CACNA1A: variants seen among roughly 807,000 people sequenced by gnomAD.
CACNA1A encodes the protein voltage-dependent P/Q-type calcium channel subunit alpha-1A.
CACNA1A carries 57 observed loss-of-function variants against 262.4 expected under a neutral mutation model. That is an observed-to-expected ratio of 0.22 (90% CI 0.18 to 0.27). The LOEUF (loss-of-function observed/expected upper bound fraction) is 0.27. Ranked by LOEUF, CACNA1A falls within the 10% of genes least tolerant of loss-of-function variation. CACNA1A has a pLI of 1.00. For synonymous variants in CACNA1A, 1,431 were observed against 1,419.3 expected, an observed-to-expected ratio of 1.01 and a Z score of -0.18; for missense variants, 2,526 against 3,562.8, an observed-to-expected ratio of 0.71 and a Z score of 7.41.
intron 24 of CACNA1A, chr19:13,274,053 A>G (rs1006942518): frequency 5.3e-5 from 8 of 152,006 alleles, no homozygotes; most frequent in African/African-American, 1.9e-4. Context: ...TTGCTCTAGT[A>G]GTCAAATAGA....
chr19:13,489,423 G>A (rs12984781), intron 1 of CACNA1A, among the ~76,000 whole-genome samples: 63,087 of 151,816 alleles, frequency 0.42, 14,536 homozygotes, highest in Non-Finnish European at 0.51. Context: ...CAAGTAGCTG[G>A]GACTACAGGC....
At chr19:13,372,644 C>T (rs1430654988) in intron 3 of CACNA1A, among the ~76,000 whole-genome samples, 2 of 152,206 alleles carry the variant, frequency 1.3e-5, no homozygotes, top group Admixed American at 6.5e-5. Context: ...ACAATAGTAT[C>T]AATACCTCCA....
At chr19:13,366,785 T>C (rs2144530914) in intron 4 of CACNA1A, among the ~76,000 whole-genome samples, 1 of 152,226 alleles carries the variant, frequency 6.6e-6, no homozygotes, top group South Asian at 2.1e-4. Flanking sequence ...TCCTCATTCA[T>C]AAAAGGCCGC....
At chr19:13,400,406 G>A (rs2059879906) in intron 3 of CACNA1A, among the ~76,000 whole-genome samples, 1 of 152,106 alleles carries the variant, frequency 6.6e-6, no homozygotes, top group Non-Finnish European at 1.5e-5. Context: ...CTCTTTTGAA[G>A]AGCCTGCAGT....
chr19:13,263,535 T>C (rs1452771137), intron 24 of CACNA1A: 1 of 152,646 alleles, frequency 6.6e-6, no homozygotes, highest in Non-Finnish European at 1.5e-5. Context: ...TTTTTTTTTT[T>C]TGAGATGGAG....
In CACNA1A at chr19:13,206,638, A is replaced by AAT. The variant is rs1316622144; in HGVS notation, c.*673_*674dup. On this transcript the variant is annotated 3_prime_UTR_variant, in exon 47 of 47. Transcript: ENST00000360228. ...GTCAGAAAAAAATGCCTCTTTTCTC[A>AAT]ATCATTAATTTTTTTGTCCTTTTTA... is the stretch of plus-strand genomic sequence containing the variant. 6.5e-6 allele frequency: 1 copy of AAT among 153,456 alleles called. No homozygotes were observed. Among genetic ancestry groups the AAT allele is most frequent in the Non-Finnish European group, 1.5e-5 (1 of 68,180 alleles). 9.5% of individuals were successfully genotyped at this position (153,456 alleles called of 1,614,324 possible).
intron 6 of CACNA1A, among the ~76,000 whole-genome samples, chr19:13,346,085 G>A (rs186522988): frequency 7.0e-4 from 106 of 152,146 alleles, no homozygotes; most frequent in African/African-American, 2.5e-3. Context: ...GTATTTTTTA[G>A]TAGAGACGGG....
chr19:13,479,717 TC>T (rs1405884415), intron 1 of CACNA1A, among the ~76,000 whole-genome samples: 2 of 151,888 alleles, frequency 1.3e-5, no homozygotes, highest in Non-Finnish European at 2.9e-5. Flanking sequence ...AAGCCTGGAG[TC>T]AGGAGAGCCC....
chr19:13,408,576 C>T (rs1020749068), intron 3 of CACNA1A, among the ~76,000 whole-genome samples: 1 of 152,132 alleles, frequency 6.6e-6, no homozygotes, highest in African/African-American at 2.4e-5. Context: ...CAGATTATAC[C>T]ACTGTGTGTG....
Position 13,214,650 on chromosome 19 carries a change from T to A in CACNA1A, c.5732-42A>T. ...GACAGACCCTGACTGCCTGCCTGGGTGTCAGCTGGACTCTGGGTCAGCTGC... is the reference window on the plus strand; with the variant it reads ...GACAGACCCTGACTGCCTGCCTGGGAGTCAGCTGGACTCTGGGTCAGCTGC... On this transcript the variant is annotated intron_variant, in intron 38 of 46. Transcript: ENST00000360228. This position sits in a 1 kb window ranked among gnomAD's most constrained non-coding sequence, Gnocchi z 4.1. 1 of 1,488,068 alleles carries A rather than the reference T, an allele frequency of 6.7e-7. No homozygotes were observed. The highest frequency in any genetic ancestry group is 9.3e-7 in the Non-Finnish European group (1 of 1,072,818). 92.2% of individuals were successfully genotyped at this position (1,488,068 alleles called of 1,614,324 possible).
At chr19:13,333,308 G>A (rs2058497953) in intron 8 of CACNA1A, among the ~76,000 whole-genome samples, 1 of 152,136 alleles carries the variant, frequency 6.6e-6, no homozygotes, top group Non-Finnish European at 1.5e-5. Flanking sequence ...TGCACTTGCT[G>A]TCTCTGCCTG....
chr19:13,462,405 GA>G (rs1216621198), intron 1 of CACNA1A, among the ~76,000 whole-genome samples: 1 of 152,152 alleles, frequency 6.6e-6, no homozygotes, highest in East Asian at 1.9e-4. Context: ...AAAAAGAGTA[GA>G]GGGTACCAGA....
rs1391823696 is a variant in CACNA1A, at chr19:13,376,765, CAT to C, written c.540-4988_540-4987del. Among the ~76,000 whole-genome samples the C allele has an allele frequency of 5.7e-5, 8 of 139,856 alleles. No individual in the cohort carries two copies. The East Asian group carries it at 6.1e-4, about 11-fold the overall frequency. The allele number at this position is 139,856 out of a possible 152,430, so 91.8% of individuals were successfully genotyped here. A position where few individuals can be genotyped will look rare whatever the true frequency, so the allele number is the denominator to read the frequency against. On this transcript the variant is annotated intron_variant, in intron 3 of 46. Transcript: ENST00000360228. ...ATATAACACAATATGTTATATGTGA[CAT>C]ATATAACACATAATATATGTGACAT...
intron 3 of CACNA1A, among the ~76,000 whole-genome samples, chr19:13,433,469 A>G (rs1046520169): frequency 8.8e-5 from 13 of 147,606 alleles, no homozygotes; most frequent in Admixed American, 2.0e-4. Context: ...TCAAAAAAAA[A>G]AAAAAAAAAA....
intron 34 of CACNA1A, among the ~76,000 whole-genome samples, chr19:13,232,428 A>G (rs2055698360): frequency 6.6e-6 from 1 of 151,794 alleles, no homozygotes; most frequent in Non-Finnish European, 1.5e-5. Context: ...GGTCACTGTT[A>G]TGCTTTAAAA....
At chr19:13,327,114 C>A (rs751494921) in intron 10 of CACNA1A, among the ~76,000 whole-genome samples, 34 of 152,032 alleles carry the variant, frequency 2.2e-4, no homozygotes, top group Non-Finnish European at 4.4e-4. Flanking sequence ...CTCCTGACCT[C>A]AAACGATCCT....
rs1289471345 is a variant in CACNA1A, at chr19:13,506,378, G to GGGC, written c.-157_-155dup. 1.7e-6 allele frequency: 1 copy of GGGC among 585,842 alleles called. No homozygotes were observed. Among genetic ancestry groups the GGGC allele is most frequent in the African/African-American group, 1.9e-5 (1 of 51,288 alleles). The allele number at this position is 585,842 out of a possible 1,614,324, so 36.3% of individuals were successfully genotyped here. A position where few individuals can be genotyped will look rare whatever the true frequency, so the allele number is the denominator to read the frequency against. ...GAGACGCTCCACGGCCCAGCCCATC[G>GGGC]GGCGGCGGCGGCTCGGCGCCTCGGG... On this transcript the variant is annotated 5_prime_UTR_variant, in exon 1 of 47. Coordinates refer to ENST00000360228, the MANE Select transcript of CACNA1A (RefSeq NM_001127222.2).
At chr19:13,325,800 T>G (rs1017337019) in intron 10 of CACNA1A, among the ~76,000 whole-genome samples, 1 of 152,234 alleles carries the variant, frequency 6.6e-6, no homozygotes, top group African/African-American at 2.4e-5. Flanking sequence ...TATCTATTTA[T>G]AGTGCATAAC....
intron 7 of CACNA1A, 56 bp from the exon 8 acceptor site, chr19:13,334,549 TTGTGTGTGTGTTTGTGTGTG>T (rs1225773901): frequency 2.3e-5 from 17 of 724,698 alleles, no homozygotes; most frequent in East Asian, 5.4e-5. Context: ...TAGGAAACGT[TTGTGTGTGTGTTTGTGTGTG>T]TGTGTGTGTG....
Sources: allele counts gnomAD v4.1 joint callset (sites outside exome capture counted in the v4.1 genomes callset), GRCh38; gene constraint gnomAD v4.1.1; non-coding constraint Gnocchi (gnomAD v3.1); transcripts MANE v1.5; gene names NCBI Gene and HGNC (gene_info 2026-07-23, HGNC 2026-07-21).